Variants in COL21A1 observed in about 807,000 individuals in gnomAD.
The protein encoded by COL21A1 is collagen alpha-1(XXI) chain.
COL21A1 carries 149 observed loss-of-function variants against 137.9 expected under a neutral mutation model. The observed-to-expected ratio is 1.08, with a 90% CI of 0.95 to 1.24. The LOEUF is 1.24. Ranked by LOEUF, COL21A1 falls within the 50% of genes most tolerant of loss-of-function variation. The pLI is 0.00. For missense variants in COL21A1, 1,167 were observed against 1,158.4 expected (o/e 1.01, Z -0.11); for synonymous variants, 456 against 391.5 (o/e 1.16, Z -1.95).
intron 12 of COL21A1, 33 bp downstream of exon 12, chr6:56,141,752 A>G (rs1196278601): frequency 1.9e-6 from 3 of 1,607,170 alleles, no homozygotes; most frequent in East Asian, 2.2e-5. Context: ...TTGAGGGACT[A>G]ACACCATTGA....
chr6:56,360,683 T>C (rs1320183518), intron 1 of COL21A1, among the ~76,000 whole-genome samples: 1 of 152,200 alleles, frequency 6.6e-6, no homozygotes, highest in Non-Finnish European at 1.5e-5. Flanking sequence ...TGGAAATGTA[T>C]CTAAATAACA....
Position 56,299,775 on chromosome 6 carries a change from C to T in COL21A1, c.-39+94196G>A, listed in dbSNP as rs536026900. ...AATATTCCCTAATCCCAGAAGGTCT[C>T]TATGTTCCTTCTACAACTGAATGAT... On this transcript the variant is annotated intron_variant, in intron 1 of 28. Transcript: ENST00000370819. Among the ~76,000 whole-genome samples the T allele has an allele frequency of 2.0e-5, 3 of 152,132 alleles. No homozygotes were observed. In the South Asian group the frequency reaches 6.2e-4, roughly 32 times the overall value.
At chr6:56,203,430 G>A (rs9475621) in intron 1 of COL21A1, among the ~76,000 whole-genome samples, 98,389 of 152,074 alleles carry the variant, frequency 0.65, 32,255 homozygotes, top group East Asian at 0.86. Flanking sequence ...AAAATCATCA[G>A]TAAGTAACTC....
At chr6:56,108,343 A>G (rs1055796475) in intron 16 of COL21A1, among the ~76,000 whole-genome samples, 9 of 152,022 alleles carry the variant, frequency 5.9e-5, no homozygotes, top group Admixed American at 2.0e-4. Context: ...GACCAACTCT[A>G]CACTTGATAC....
At chr6:56,328,500 A>T (rs1379438423) in intron 1 of COL21A1, among the ~76,000 whole-genome samples, 1 of 152,130 alleles carries the variant, frequency 6.6e-6, no homozygotes, top group African/African-American at 2.4e-5. Flanking sequence ...TTCACTGATT[A>T]TATATCTGTC....
At chr6:56,080,766 G>GT (rs1161699466) in intron 17 of COL21A1, among the ~76,000 whole-genome samples, 1 of 151,804 alleles carries the variant, frequency 6.6e-6, no homozygotes. Flanking sequence ...AATATCAGAA[G>GT]TATATTACAT....
At position 56,157,012 on chromosome 6, in the gene COL21A1, T is replaced by A. The variant is rs534460788; in HGVS notation, c.1372-63A>T. On this transcript the variant is annotated intron_variant, in intron 9 of 29. Transcript: ENST00000244728. The stretch of plus-strand genomic sequence containing the variant: ...ACCAGCCACATTGGTGCAGTCAGGA[T>A]CAATAAAAGTTCAAAACCAATTCCA... The A allele has an allele frequency of 9.7e-6, 11 of 1,134,712 alleles. No homozygotes were observed. In the East Asian group the frequency reaches 2.8e-4, roughly 29 times the overall value. The allele number at this position is 1,134,712 out of a possible 1,614,324, so 70.3% of individuals were successfully genotyped here.
intron 20 of COL21A1, among the ~76,000 whole-genome samples, chr6:56,073,201 G>A (rs1220218221): frequency 6.6e-6 from 1 of 151,348 alleles, no homozygotes; most frequent in Admixed American, 6.6e-5. Flanking sequence ...ACTTAATAAG[G>A]GGTATTTTCT....
At chr6:56,350,343 T>G (rs1213728450) in intron 1 of COL21A1, among the ~76,000 whole-genome samples, 1 of 152,152 alleles carries the variant, frequency 6.6e-6, no homozygotes, top group Non-Finnish European at 1.5e-5. Context: ...TGGTGACCTC[T>G]TAGGCACTTG....
chr6:56,366,362 G>T (rs114914274), intron 1 of COL21A1, among the ~76,000 whole-genome samples: 2,394 of 152,248 alleles, frequency 0.016, 57 homozygotes, highest in African/African-American at 0.053. Context: ...TTTTAGCTTT[G>T]ACAGCCAAGT....
intron 21 of COL21A1, among the ~76,000 whole-genome samples, chr6:56,069,331 C>T (rs1206627967): frequency 6.6e-6 from 1 of 151,470 alleles, no homozygotes; most frequent in East Asian, 1.9e-4. Flanking sequence ...AAAATTCTCA[C>T]AGCATTTCAT....
chr6:56,310,942 T>C (rs976864316), intron 1 of COL21A1, among the ~76,000 whole-genome samples: 4 of 152,174 alleles, frequency 2.6e-5, no homozygotes, highest in African/African-American at 9.7e-5. Context: ...TGAGTTGACA[T>C]GTAAACCATG....
chr6:56,197,550 A>C (rs768416735), intron 1 of COL21A1, among the ~76,000 whole-genome samples: 1 of 152,110 alleles, frequency 6.6e-6, no homozygotes, highest in Non-Finnish European at 1.5e-5. Context: ...CAAATGATGT[A>C]AATAGACAAT....
Position 56,182,674 on chromosome 6 carries a change from G to T in COL21A1, c.-38-18C>A, listed in dbSNP as rs1484040461. 1.0e-5 allele frequency: 12 copies of T among 1,143,354 alleles called. No homozygotes were observed. The highest frequency in any genetic ancestry group is 1.5e-5 in the Non-Finnish European group (12 of 782,562). 70.8% of individuals were successfully genotyped at this position (1,143,354 alleles called of 1,614,324 possible). On this transcript the variant is annotated intron_variant, in intron 1 of 29. Transcript: ENST00000244728. Reference sequence around the variant, plus strand: ...TAGGATTCCTAGGGGGAAAAAAAAGGCAAGTTAAATATATTAATTAAAGTC... The same window carrying T: ...TAGGATTCCTAGGGGGAAAAAAAAGTCAAGTTAAATATATTAATTAAAGTC...
At chr6:56,357,978 C>T (rs551659293) in intron 1 of COL21A1, among the ~76,000 whole-genome samples, 10 of 152,280 alleles carry the variant, frequency 6.6e-5, no homozygotes, top group South Asian at 6.2e-4. Flanking sequence ...TCAATTTCTT[C>T]GTACTTACCT....
intron 16 of COL21A1, among the ~76,000 whole-genome samples, chr6:56,115,111 T>A (rs1333026054): frequency 2.1e-5 from 3 of 146,260 alleles, no homozygotes; most frequent in African/African-American, 7.6e-5. Flanking sequence ...TGAGATCACA[T>A]GGACACAGGA....
chr6:56,133,696 G>T (rs960682246), intron 12 of COL21A1, among the ~76,000 whole-genome samples: 2 of 152,160 alleles, frequency 1.3e-5, no homozygotes, highest in Admixed American at 1.3e-4. Context: ...CCAGAGCCAG[G>T]GCCCCCTTGC....
chr6:56,303,920 T>G (rs1021728274), intron 1 of COL21A1, among the ~76,000 whole-genome samples: 3 of 152,194 alleles, frequency 2.0e-5, no homozygotes, highest in Admixed American at 2.0e-4. Context: ...ATACCTAATT[T>G]ATTGAGAGTT....
At chr6:56,143,312 T>C (rs972774897) in intron 10 of COL21A1, among the ~76,000 whole-genome samples, 1 of 151,098 alleles carries the variant, frequency 6.6e-6, no homozygotes, top group Admixed American at 6.6e-5. Context: ...GCCATTCTCC[T>C]GCCTCAGCCT....
Sources: allele counts gnomAD v4.1 joint callset (sites outside exome capture counted in the v4.1 genomes callset), GRCh38; gene constraint gnomAD v4.1.1; transcripts MANE v1.5; gene names NCBI Gene and HGNC (gene_info 2026-07-23, HGNC 2026-07-21).